Variants in SND1 observed in about 807,000 individuals in gnomAD.
SND1 encodes staphylococcal nuclease domain-containing protein 1.
A neutral mutation model predicts 121.7 loss-of-function variants in SND1; 38 were observed. The observed-to-expected ratio is 0.31, with a 90% CI of 0.24 to 0.41. The LOEUF (loss-of-function observed/expected upper bound fraction) is 0.41. Ranked by LOEUF, SND1 falls within the 10% of genes least tolerant of loss-of-function variation. The pLI is 1.00. For missense variants in SND1, 868 were observed against 1,184.6 expected, an observed-to-expected ratio of 0.73 and a Z score of 3.92; for synonymous variants, 401 against 447.4, an observed-to-expected ratio of 0.90 and a Z score of 1.31.
intron 16 of SND1, chr7:128,008,138 A>G (rs1803028507): frequency 6.6e-6 from 1 of 152,264 alleles, no homozygotes; most frequent in Non-Finnish European, 1.5e-5. Flanking sequence ...GGAGGCAGAC[A>G]GAAGAGGTAA....
chr7:127,796,505 A>G (rs1457224285), intron 10 of SND1, among the ~76,000 whole-genome samples: 3 of 152,122 alleles, frequency 2.0e-5, no homozygotes, highest in Admixed American at 6.5e-5. Context: ...TTTCTCGTTC[A>G]TAGATCTTCC....
chr7:127,946,500 A>G (rs958943449), intron 15 of SND1, among the ~76,000 whole-genome samples: 1 of 152,208 alleles, frequency 6.6e-6, no homozygotes, highest in Non-Finnish European at 1.5e-5. Flanking sequence ...AGAGGAATAG[A>G]ATATTTGCCA....
At chr7:128,091,937 C>T (rs1793787948) in intron 23 of SND1, 56 bp downstream of exon 23, 1 of 1,614,090 alleles carries the variant, frequency 6.2e-7, no homozygotes, top group Non-Finnish European at 8.5e-7. Context: ...GTTTGGCCCT[C>T]TGAGTTCCGG....
chr7:128,043,160 G>A (rs1247946169), intron 16 of SND1, among the ~76,000 whole-genome samples: 1 of 152,138 alleles, frequency 6.6e-6, no homozygotes, highest in Non-Finnish European at 1.5e-5. Flanking sequence ...GCTGAAGTAT[G>A]TTTAATCAGG....
Position 128,015,495 on chromosome 7 carries a change from C to T in SND1, c.1779+24439C>T, listed in dbSNP as rs1376231650. ...CACATGTCAGAAATCACCTTTCTTC[C>T]TTTTCCTACCCTTACCTCATTTTAA... is the stretch of plus-strand genomic sequence containing the variant. On this transcript the variant is annotated intron_variant, in intron 16 of 23. Coordinates refer to ENST00000354725, the MANE Select transcript of SND1 (RefSeq NM_014390.4). The surrounding 1 kb of genome is among the most constrained non-coding windows in gnomAD (Gnocchi z 4.5). 6.6e-6 allele frequency among the ~76,000 whole-genome samples: 1 copy of T among 152,174 alleles called. No individual in the cohort carries two copies. The highest frequency in any genetic ancestry group is 2.4e-5 in the African/African-American group (1 of 41,436).
intron 16 of SND1, among the ~76,000 whole-genome samples, chr7:128,023,057 C>T (rs1803394384): frequency 6.6e-6 from 1 of 152,194 alleles, no homozygotes; most frequent in African/African-American, 2.4e-5. Flanking sequence ...ACTAACAGTC[C>T]TCCCCCATCC....
intron 16 of SND1, among the ~76,000 whole-genome samples, chr7:128,050,665 C>G (rs1176782330): frequency 6.6e-6 from 1 of 152,176 alleles, no homozygotes; most frequent in Non-Finnish European, 1.5e-5. Context: ...ATCTCTTCCC[C>G]CAGTCTTAGG....
intron 12 of SND1, among the ~76,000 whole-genome samples, chr7:127,852,940 A>G (rs1799198959): frequency 6.6e-6 from 1 of 152,098 alleles, no homozygotes; most frequent in Non-Finnish European, 1.5e-5. Context: ...GTAAACTTTC[A>G]TCTGCATTTA....
chr7:127,668,493 G>T (rs712706), intron 1 of SND1, among the ~76,000 whole-genome samples: 2,979 of 152,284 alleles, frequency 0.02, 73 homozygotes, highest in African/African-American at 0.05. Flanking sequence ...GACCATGTCT[G>T]TCCTATTCAC....
intron 12 of SND1, among the ~76,000 whole-genome samples, chr7:127,884,984 ACACTCAGT>A (rs1446496124): frequency 6.6e-6 from 1 of 152,026 alleles, no homozygotes; most frequent in Non-Finnish European, 1.5e-5. Context: ...TCCCAAGTGG[ACACTCAGT>A]CTTTAATGCC....
intron 8 of SND1, among the ~76,000 whole-genome samples, chr7:127,705,413 AG>A (rs1796170628): frequency 6.6e-6 from 1 of 152,222 alleles, no homozygotes; most frequent in African/African-American, 2.4e-5. Flanking sequence ...CTTATTTAAA[AG>A]TGTGTTTCAG....
chr7:127,692,537 A>G (rs945830346), intron 2 of SND1: 9 of 152,272 alleles, frequency 5.9e-5, no homozygotes, highest in African/African-American at 1.9e-4. Context: ...GTGTGGACAC[A>G]TGGGTAACAC....
intron 16 of SND1, among the ~76,000 whole-genome samples, chr7:128,061,500 A>G (rs953700098): frequency 6.6e-6 from 1 of 152,208 alleles, no homozygotes. Flanking sequence ...CCACAGCAGA[A>G]TGAGGAAGGC....
intron 13 of SND1, among the ~76,000 whole-genome samples, chr7:127,899,669 AATG>A (rs1274836277): frequency 1.3e-5 from 2 of 152,216 alleles, no homozygotes; most frequent in African/African-American, 4.8e-5. Flanking sequence ...AGGGGAGGAA[AATG>A]ATGATGTCGA....
chr7:127,726,372 G>A lies in SND1; in HGVS notation c.1152+4972G>A, dbSNP rs138586201. The stretch of plus-strand genomic sequence containing the variant: ...TTCTGGATTAATCCAGTGTCAACCC[G>A]TAGGAGACGTTAACTCTTTCAGGCT... On this transcript the variant is annotated intron_variant, in intron 10 of 23. Coordinates refer to ENST00000354725, the MANE Select transcript of SND1 (RefSeq NM_014390.4). 9.6e-4 allele frequency among the ~76,000 whole-genome samples: 147 copies of A among 152,338 alleles called. 1 individual carries two copies. Among genetic ancestry groups the A allele is most frequent in the Middle Eastern group, 3.4e-3 (1 of 292 alleles).
At chr7:127,902,668 A>C (rs943589402) in intron 13 of SND1, among the ~76,000 whole-genome samples, 1 of 152,156 alleles carries the variant, frequency 6.6e-6, no homozygotes, top group African/African-American at 2.4e-5. Context: ...TGAATGATAA[A>C]TCACTAGAGG....
intron 11 of SND1, among the ~76,000 whole-genome samples, chr7:127,831,098 T>C (rs900963882): frequency 5.9e-5 from 9 of 152,192 alleles, no homozygotes; most frequent in African/African-American, 2.2e-4. Context: ...TTATTGACTG[T>C]ACTGTGTTGG....
intron 10 of SND1, among the ~76,000 whole-genome samples, chr7:127,759,193 A>G (rs965602536): frequency 6.6e-6 from 1 of 152,226 alleles, no homozygotes; most frequent in Non-Finnish European, 1.5e-5. Context: ...GTCAGAATGT[A>G]GTATGTGACT....
chr7:127,721,954 A>G (rs1341641103), intron 10 of SND1, among the ~76,000 whole-genome samples: 2 of 152,172 alleles, frequency 1.3e-5, no homozygotes, highest in African/African-American at 4.8e-5. Context: ...TGACTCAGGT[A>G]TATCATTTTT....
Sources: allele counts gnomAD v4.1 joint callset (sites outside exome capture counted in the v4.1 genomes callset), GRCh38; gene constraint gnomAD v4.1.1; non-coding constraint Gnocchi (gnomAD v3.1); transcripts MANE v1.5; gene names NCBI Gene and HGNC (gene_info 2026-07-23, HGNC 2026-07-21).